Variants in GARIN2 observed in about 807,000 individuals in gnomAD.
GARIN2 encodes golgi associated RAB2 interactor family member 2, also known as Golgi-associated RAB2 interactor protein 2.
At chr14:67,228,126 T>G in the GARIN2 span, among the ~76,000 whole-genome samples, 1 of 149,568 alleles carries the variant, frequency 6.7e-6, no homozygotes, top group Non-Finnish European at 1.5e-5. Flanking sequence ...GCCGAGATTG[T>G]GCCACTGCAC....
At chr14:67,209,244 A>G in the GARIN2 span, among the ~76,000 whole-genome samples, 1 of 152,178 alleles carries the variant, frequency 6.6e-6, no homozygotes, top group African/African-American at 2.4e-5. Flanking sequence ...CTAGTGGGGG[A>G]CACAGATAAT....
chr14:67,210,066 T>G, the GARIN2 span, among the ~76,000 whole-genome samples: 2 of 152,182 alleles, frequency 1.3e-5, no homozygotes, highest in African/African-American at 4.8e-5. Context: ...TGTAAATGGT[T>G]GTCAATTCAA....
At chr14:67,210,382 T>TG in the GARIN2 span, among the ~76,000 whole-genome samples, 9 of 152,024 alleles carry the variant, frequency 5.9e-5, no homozygotes, top group South Asian at 1.9e-3. Context: ...GCCCAGGAGT[T>TG]TGAAACCCAC....
the GARIN2 span, among the ~76,000 whole-genome samples, chr14:67,225,926 AGTGTGTGTGTGTGT>A: frequency 1.0e-4 from 14 of 136,630 alleles, no homozygotes; most frequent in South Asian, 7.2e-4. Flanking sequence ...TAATGCTGTG[AGTGTGTGTGTGTGT>A]GTGTGTGTGT....
chr14:67,198,414 G>T, the GARIN2 span: 1 of 1,216,422 alleles, frequency 8.2e-7, no homozygotes, highest in Non-Finnish European at 1.2e-6. Flanking sequence ...TGTTTTAAAT[G>T]TGCCGAGGGA....
chr14:67,213,100 T>G, the GARIN2 span, among the ~76,000 whole-genome samples: 16 of 151,334 alleles, frequency 1.1e-4, no homozygotes, highest in Non-Finnish European at 1.5e-5. Context: ...GTGGTGTTTT[T>G]TTTTTTTTTT....
chr14:67,226,366 T>C, the GARIN2 span, among the ~76,000 whole-genome samples: 1 of 150,680 alleles, frequency 6.6e-6, no homozygotes, highest in Non-Finnish European at 1.5e-5. Context: ...TAGTTTTTTT[T>C]GTTTTGTTTT....
chr14:67,227,819 G>T, the GARIN2 span: 4 of 152,234 alleles, frequency 2.6e-5, no homozygotes, highest in South Asian at 8.3e-4. Context: ...TTAACATCCT[G>T]AATGGACAGG....
chr14:67,206,780 G>A, the GARIN2 span, among the ~76,000 whole-genome samples: 6 of 152,066 alleles, frequency 3.9e-5, no homozygotes, highest in South Asian at 1.2e-3. Flanking sequence ...GCCCAGGCTG[G>A]AGTGCAGTGG....
At chr14:67,221,108 C>A in the GARIN2 span, among the ~76,000 whole-genome samples, 2 of 152,114 alleles carry the variant, frequency 1.3e-5, no homozygotes, top group Admixed American at 1.3e-4. Context: ...TGATTATTAT[C>A]AGTTTTAAAA....
At chr14:67,217,396 T>C in the GARIN2 span, among the ~76,000 whole-genome samples, 1 of 152,238 alleles carries the variant, frequency 6.6e-6, no homozygotes, top group East Asian at 1.9e-4. Flanking sequence ...GGAATTTTAA[T>C]CTATTTACAT....
chr14:67,223,897 T>C, the GARIN2 span: 1 of 985,470 alleles, frequency 1.0e-6, no homozygotes, highest in African/African-American at 1.7e-5. Context: ...GGCTGAATCT[T>C]AATACCTCAT....
chr14:67,215,257 T>C, the GARIN2 span, among the ~76,000 whole-genome samples: 3 of 152,168 alleles, frequency 2.0e-5, no homozygotes, highest in African/African-American at 4.8e-5. Flanking sequence ...AGGAATCTTC[T>C]AGGGAGCTTT....
chr14:67,198,000 T>G, the GARIN2 span: 1 of 737,206 alleles, frequency 1.4e-6, no homozygotes, highest in Non-Finnish European at 2.2e-6. Context: ...ATGTATGTAT[T>G]AATACAAGTG....
chr14:67,195,266 C>T, the GARIN2 span, among the ~76,000 whole-genome samples: 2 of 152,204 alleles, frequency 1.3e-5, no homozygotes, highest in African/African-American at 2.4e-5. Flanking sequence ...GAGACCCAGT[C>T]GTGGCTGCAA....
chr14:67,198,170 G>A, the GARIN2 span: 1 of 1,610,094 alleles, frequency 6.2e-7, no homozygotes, highest in Non-Finnish European at 8.5e-7. Context: ...CAATGAAGAA[G>A]AACACCAGCA....
the GARIN2 span, chr14:67,223,978 C>G: frequency 1.0e-6 from 1 of 984,626 alleles, no homozygotes. Flanking sequence ...AGGCGGAAAT[C>G]AGAATAATAA....
chr14:67,209,734 C>G, the GARIN2 span, among the ~76,000 whole-genome samples: 1 of 151,138 alleles, frequency 6.6e-6, no homozygotes, highest in Non-Finnish European at 1.5e-5. Flanking sequence ...AGGAGAATTG[C>G]CTGAACCCGG....
chr14:67,197,189 A>G, the GARIN2 span: 1 of 152,276 alleles, frequency 6.6e-6, no homozygotes, highest in South Asian at 2.1e-4. Flanking sequence ...TTGGCCTCCC[A>G]AAGTGCTGGG....
Sources: gnomAD v4.1 joint callset for allele counts (sites outside exome capture counted in the v4.1 genomes callset) on GRCh38, gnomAD v4.1.1 for gene constraint, MANE v1.5 for transcripts, NCBI Gene and HGNC (gene_info 2026-07-23, HGNC 2026-07-21) for gene names.